Variants in CDH18 observed in about 807,000 individuals in gnomAD.
The protein encoded by CDH18 is cadherin 18.
CDH18 carries 31 observed loss-of-function variants against 67.9 expected under a neutral mutation model. The observed-to-expected ratio is 0.46, with a 90% CI of 0.34 to 0.62. The LOEUF (loss-of-function observed/expected upper bound fraction) is 0.62, where lower values mean the gene tolerates loss of function less well. Ranked by LOEUF, CDH18 falls within the 20% of genes least tolerant of loss-of-function variation. The pLI is 0.01. For missense variants in CDH18, 890 were observed against 975.5 expected (o/e 0.91, Z 1.17); for synonymous variants, 362 against 347.2 (o/e 1.04, Z -0.48).
At chr5:19,800,909 G>A (rs1186638407) in intron 3 of CDH18, among the ~76,000 whole-genome samples, 1 of 152,080 alleles carries the variant, frequency 6.6e-6, no homozygotes, top group African/African-American at 2.4e-5. Flanking sequence ...GCCTGAGCTC[G>A]GGAGTCCGCG....
chr5:19,755,627 A>G (rs1771509465), intron 3 of CDH18, among the ~76,000 whole-genome samples: 1 of 148,210 alleles, frequency 6.7e-6, no homozygotes, highest in Non-Finnish European at 1.5e-5. Context: ...TATATCTCCT[A>G]TATAAATATA....
At chr5:19,562,254 T>C (rs1026155645) in intron 8 of CDH18, among the ~76,000 whole-genome samples, 7 of 152,176 alleles carry the variant, frequency 4.6e-5, no homozygotes, top group Non-Finnish European at 1.0e-4. Context: ...CATCTTTGTT[T>C]TCAAAAGTTT....
At chr5:20,328,506 T>A (rs201792112) in intron 1 of CDH18, among the ~76,000 whole-genome samples, 12,836 of 120,376 alleles carry the variant, frequency 0.11, 778 homozygotes, top group East Asian at 0.37. Context: ...TGTGTGTGTG[T>A]GTGAGAGAGA....
At chr5:19,917,099 T>G (rs1031510861) in intron 2 of CDH18, among the ~76,000 whole-genome samples, 2 of 152,222 alleles carry the variant, frequency 1.3e-5, no homozygotes, top group Admixed American at 6.5e-5. Context: ...TTCATTTTAC[T>G]AGTTTCATGA....
chr5:19,634,725 G>T (rs1752883683), intron 5 of CDH18, among the ~76,000 whole-genome samples: 2 of 151,976 alleles, frequency 1.3e-5, no homozygotes, highest in Non-Finnish European at 2.9e-5. Flanking sequence ...ATCACCTGAG[G>T]TTGGGAGTTC....
intron 1 of CDH18, among the ~76,000 whole-genome samples, chr5:19,985,168 C>CT (rs1388231886): frequency 6.6e-6 from 1 of 152,068 alleles, no homozygotes; most frequent in Admixed American, 6.5e-5. Flanking sequence ...GCCCTCGTCT[C>CT]TCAGTTTACT....
At chr5:19,554,899 A>G (rs1738114233) in intron 8 of CDH18, among the ~76,000 whole-genome samples, 3 of 152,052 alleles carry the variant, frequency 2.0e-5, no homozygotes, top group Non-Finnish European at 4.4e-5. Context: ...TCTAAGGGGG[A>G]AAAAAAGCAA....
intron 2 of CDH18, among the ~76,000 whole-genome samples, chr5:20,129,999 T>A (rs1439739766): frequency 6.6e-6 from 1 of 151,406 alleles, no homozygotes; most frequent in African/African-American, 2.4e-5. Flanking sequence ...AGAAAAGACA[T>A]GAATATAGAC....
At chr5:20,365,613 G>A (rs1742451454) in intron 1 of CDH18, among the ~76,000 whole-genome samples, 1 of 151,904 alleles carries the variant, frequency 6.6e-6, no homozygotes, top group African/African-American at 2.4e-5. Flanking sequence ...ACTATTGATG[G>A]ATAAATTAAT....
chr5:20,548,797 C>T (rs1757480522), intron 1 of CDH18, among the ~76,000 whole-genome samples: 1 of 152,166 alleles, frequency 6.6e-6, no homozygotes. Flanking sequence ...TTTTGCTCCA[C>T]TGTGCCTGGA....
intron 1 of CDH18, among the ~76,000 whole-genome samples, chr5:20,361,210 T>C (rs1742062880): frequency 6.6e-6 from 1 of 151,950 alleles, no homozygotes; most frequent in South Asian, 2.1e-4. Context: ...TCAAAAGAAA[T>C]ATGTTAGTAA....
intron 1 of CDH18, among the ~76,000 whole-genome samples, chr5:20,368,425 A>G (rs1742694513): frequency 6.6e-6 from 1 of 152,220 alleles, no homozygotes; most frequent in Non-Finnish European, 1.5e-5. Flanking sequence ...TAAAGCTAAA[A>G]GCCAGCAAAA....
chr5:19,748,122 A>AAAAAAAAAAAAAAAAAAAAAAAAAAAAT, intron 3 of CDH18, among the ~76,000 whole-genome samples: 1 of 143,388 alleles, frequency 7.0e-6, no homozygotes, highest in Non-Finnish European at 1.5e-5. Flanking sequence ...CAAAAAAAAA[A>AAAAAAAAAAAAAAAAAAAAAAAAAAAAT]AAAAAAAAAA....
chr5:20,210,314 C>T (rs1485292534), intron 2 of CDH18, among the ~76,000 whole-genome samples: 1 of 151,834 alleles, frequency 6.6e-6, no homozygotes. Context: ...TCTTAGTGAA[C>T]AGAAAGCCAA....
chr5:20,082,730 C>A (rs1744590745), intron 2 of CDH18, among the ~76,000 whole-genome samples: 1 of 152,160 alleles, frequency 6.6e-6, no homozygotes, highest in African/African-American at 2.4e-5. Context: ...ACCAATATAT[C>A]TGGATTCCTT....
intron 1 of CDH18, among the ~76,000 whole-genome samples, chr5:20,424,031 T>C (rs1181936329): frequency 1.4e-5 from 2 of 145,796 alleles, no homozygotes; most frequent in Non-Finnish European, 3.0e-5. Flanking sequence ...ACTTGGAAGA[T>C]GAAGTGAAGA....
chr5:20,208,307 G>A (rs1335976764), intron 2 of CDH18, among the ~76,000 whole-genome samples: 1 of 152,060 alleles, frequency 6.6e-6, no homozygotes, highest in African/African-American at 2.4e-5. Context: ...GACCAGCATG[G>A]GGGAAACTGC....
At chr5:19,649,339 T>C (rs1201415468) in intron 5 of CDH18, among the ~76,000 whole-genome samples, 1 of 152,106 alleles carries the variant, frequency 6.6e-6, no homozygotes, top group Non-Finnish European at 1.5e-5. Context: ...GCAAAATATA[T>C]ACAAGTTAAA....
intron 2 of CDH18, among the ~76,000 whole-genome samples, chr5:20,193,187 C>T (rs1738684941): frequency 2.0e-5 from 3 of 151,676 alleles, no homozygotes; most frequent in Admixed American, 6.6e-5. Flanking sequence ...ACAAAATAGA[C>T]CGCTAGTTAG....
Sources: gnomAD v4.1 joint callset for allele counts (sites outside exome capture counted in the v4.1 genomes callset) on GRCh38, gnomAD v4.1.1 for gene constraint, MANE v1.5 for transcripts, NCBI Gene and HGNC (gene_info 2026-07-23, HGNC 2026-07-21) for gene names.